ST6GAL1: variants seen among roughly 807,000 people sequenced by gnomAD.
ST6GAL1 encodes ST6 beta-galactoside alpha-2,6-sialyltransferase 1.
A neutral mutation model predicts 38.0 loss-of-function variants in ST6GAL1; 20 were observed. That is an observed-to-expected ratio of 0.53 (90% CI 0.37 to 0.77). The LOEUF (loss-of-function observed/expected upper bound fraction) is 0.77. ST6GAL1 is among the 30% of genes least tolerant of loss of function. The pLI is 0.00. For missense variants in ST6GAL1, 432 were observed against 496.4 expected, an observed-to-expected ratio of 0.87 and a Z score of 1.23; for synonymous variants, 196 against 188.2, an observed-to-expected ratio of 1.04 and a Z score of -0.34.
At position 186,952,926 on chromosome 3, in the gene ST6GAL1, G is replaced by A. The variant is rs535625115; in HGVS notation, c.-324-10859G>A. Among the ~76,000 whole-genome samples, 35 of 152,154 alleles carry A rather than the reference G, an allele frequency of 2.3e-4. No homozygotes were observed. In the South Asian group the frequency reaches 6.4e-3, roughly 28 times the overall value. On this transcript the variant is annotated intron_variant, in intron 1 of 7. Transcript: ENST00000169298. This position sits in a 1 kb window ranked among gnomAD's most constrained non-coding sequence, Gnocchi z 4.1. ...ACAATTTCATCTTTCCATCTTTTAGGGCTTAAACTCTGGAGTCATTCTAAA... is the reference window on the plus strand; with the variant it reads ...ACAATTTCATCTTTCCATCTTTTAGAGCTTAAACTCTGGAGTCATTCTAAA...
At chr3:187,031,466 C>T (rs566030750) in intron 2 of ST6GAL1, among the ~76,000 whole-genome samples, 235 of 150,950 alleles carry the variant, frequency 1.6e-3, no homozygotes, top group African/African-American at 5.4e-3. Flanking sequence ...GATGGAGTCT[C>T]GCTCTGTTGC....
At chr3:186,987,186 G>GGGAT (rs945253064) in intron 2 of ST6GAL1, among the ~76,000 whole-genome samples, 1 of 122,160 alleles carries the variant, frequency 8.2e-6, no homozygotes, top group Non-Finnish European at 1.7e-5. Context: ...GAGACAGGGA[G>GGGAT]GGAGGGAGGG....
At chr3:186,979,821 T>C (rs567569497) in intron 2 of ST6GAL1, among the ~76,000 whole-genome samples, 13 of 152,194 alleles carry the variant, frequency 8.5e-5, no homozygotes, top group Non-Finnish European at 1.8e-4. Context: ...GTTTAAATCC[T>C]GGTCTCGGGC....
chr3:186,951,570 T>G (rs779300309), intron 1 of ST6GAL1, among the ~76,000 whole-genome samples: 27 of 152,346 alleles, frequency 1.8e-4, no homozygotes, highest in Non-Finnish European at 3.1e-4. Flanking sequence ...CCTGTGCTGT[T>G]AATTCCAATG....
At chr3:187,023,988 C>T (rs1015913373) in intron 2 of ST6GAL1, among the ~76,000 whole-genome samples, 2 of 151,800 alleles carry the variant, frequency 1.3e-5, no homozygotes, top group South Asian at 4.2e-4. Context: ...TCAACCTTCC[C>T]TATTCATTTC....
chr3:187,049,680 C>G (rs578251975), intron 4 of ST6GAL1, among the ~76,000 whole-genome samples: 12 of 152,340 alleles, frequency 7.9e-5, no homozygotes, highest in African/African-American at 2.9e-4. Context: ...TCTACCCCAA[C>G]TTGGTAAGTA....
At chr3:187,055,070 C>G (rs1718646426) in intron 5 of ST6GAL1, among the ~76,000 whole-genome samples, 1 of 152,050 alleles carries the variant, frequency 6.6e-6, no homozygotes, top group South Asian at 2.1e-4. Flanking sequence ...TCTAGATTTT[C>G]TAGTTTATTT....
chr3:187,008,135 A>G (rs529031340), intron 2 of ST6GAL1, among the ~76,000 whole-genome samples: 3 of 152,290 alleles, frequency 2.0e-5, no homozygotes, highest in African/African-American at 7.2e-5. Context: ...AGTGGCTGAA[A>G]TAGTTTCAAA....
At chr3:187,068,319 G>T (rs537451777) in intron 5 of ST6GAL1, among the ~76,000 whole-genome samples, 1 of 144,500 alleles carries the variant, frequency 6.9e-6, no homozygotes, top group South Asian at 2.2e-4. Context: ...TCCAGCCTGG[G>T]CAACAGAGCG....
intron 2 of ST6GAL1, among the ~76,000 whole-genome samples, chr3:186,999,941 G>A (rs2108551978): frequency 6.6e-6 from 1 of 151,782 alleles, no homozygotes; most frequent in Non-Finnish European, 1.5e-5. Context: ...GTGGGCTTGG[G>A]ATCCTCCTGT....
chr3:187,067,819 T>C (rs1719220755), intron 5 of ST6GAL1, among the ~76,000 whole-genome samples: 1 of 152,276 alleles, frequency 6.6e-6, no homozygotes, highest in South Asian at 2.1e-4. Flanking sequence ...CATCGTAGCC[T>C]TAGACAATTC....
chr3:187,068,395 A>C (rs970217074), intron 5 of ST6GAL1, among the ~76,000 whole-genome samples: 12 of 152,120 alleles, frequency 7.9e-5, no homozygotes, highest in Non-Finnish European at 1.2e-4. Flanking sequence ...TAAGAATCCA[A>C]TTCAGACTCT....
chr3:187,033,380 C>T (rs533588530), intron 2 of ST6GAL1, among the ~76,000 whole-genome samples: 1 of 102,450 alleles, frequency 9.8e-6, no homozygotes, highest in East Asian at 2.3e-4. Flanking sequence ...ACCACTTCTG[C>T]CTGGGCCGAC....
intron 2 of ST6GAL1, among the ~76,000 whole-genome samples, chr3:186,997,044 G>A (rs953699283): frequency 2.0e-5 from 3 of 151,970 alleles, no homozygotes; most frequent in African/African-American, 7.3e-5. Flanking sequence ...AGGCGGGCAG[G>A]TGGGAAGGAA....
chr3:186,987,493 T>C (rs1315570793), intron 2 of ST6GAL1, among the ~76,000 whole-genome samples: 1 of 152,144 alleles, frequency 6.6e-6, no homozygotes, highest in Non-Finnish European at 1.5e-5. Flanking sequence ...TGTAGTTGCT[T>C]AAAGTCAGCC....
chr3:187,057,786 G>A (rs1017725400), intron 5 of ST6GAL1, among the ~76,000 whole-genome samples: 5 of 152,180 alleles, frequency 3.3e-5, no homozygotes, highest in African/African-American at 7.2e-5. Flanking sequence ...TCCGTTCTCC[G>A]AGTTCAAACA....
chr3:186,973,820 A>G (rs1715433753), intron 2 of ST6GAL1, among the ~76,000 whole-genome samples: 1 of 152,218 alleles, frequency 6.6e-6, no homozygotes, highest in Non-Finnish European at 1.5e-5. Context: ...CAGTCAGCGA[A>G]GAGTGTCCAT....
At chr3:186,942,082 C>G (rs547424380) in intron 1 of ST6GAL1, among the ~76,000 whole-genome samples, 1 of 152,030 alleles carries the variant, frequency 6.6e-6, no homozygotes, top group East Asian at 1.9e-4. Context: ...AGGGGTTGAC[C>G]TCAATGGCCA....
chr3:187,026,281 A>C (rs1270272997), intron 2 of ST6GAL1, among the ~76,000 whole-genome samples: 1 of 152,072 alleles, frequency 6.6e-6, no homozygotes, highest in African/African-American at 2.4e-5. Flanking sequence ...CTCGGTGGGT[A>C]GGAGCTGGGG....
Sources: gnomAD v4.1 joint callset for allele counts (sites outside exome capture counted in the v4.1 genomes callset) on GRCh38, gnomAD v4.1.1 for gene constraint, Gnocchi (gnomAD v3.1) non-coding constraint, MANE v1.5 for transcripts, NCBI Gene and HGNC (gene_info 2026-07-23, HGNC 2026-07-21) for gene names.